The following CPQ variants were observed in gnomAD, a reference collection of about 807,000 sequenced individuals.
CPQ encodes carboxypeptidase Q.
In CPQ, 37 loss-of-function variants were observed where a neutral mutation model predicts 45.7. That is an observed-to-expected ratio of 0.81 (90% CI 0.62 to 1.07). CPQ has a LOEUF of 1.07. CPQ is among the 50% of genes least tolerant of loss of function. The pLI is 0.00. For synonymous variants in CPQ, 186 were observed against 205.8 expected (o/e 0.90, Z 0.82); for missense variants, 537 against 572.9 (o/e 0.94, Z 0.64).
intron 7 of CPQ, among the ~76,000 whole-genome samples, chr8:97,073,728 C>G (rs1264483578): frequency 6.6e-6 from 1 of 152,106 alleles, no homozygotes; most frequent in African/African-American, 2.4e-5. Flanking sequence ...AGGGGTGGGA[C>G]ACTGGGAAGA....
intron 1 of CPQ, among the ~76,000 whole-genome samples, chr8:96,719,655 A>T (rs1376671443): frequency 3.9e-5 from 6 of 152,150 alleles, no homozygotes; most frequent in Admixed American, 3.9e-4. Context: ...TCTCACTGTG[A>T]CCACTGCCTG....
intron 5 of CPQ, among the ~76,000 whole-genome samples, chr8:97,010,157 A>G (rs1809460147): frequency 6.6e-6 from 1 of 152,202 alleles, no homozygotes; most frequent in Non-Finnish European, 1.5e-5. Flanking sequence ...TTAGAAAGCA[A>G]TTCAGTTACT....
chr8:96,932,766 T>C (rs1812991580), intron 4 of CPQ, among the ~76,000 whole-genome samples: 1 of 152,192 alleles, frequency 6.6e-6, no homozygotes, highest in Non-Finnish European at 1.5e-5. Context: ...GAGAGTTCAT[T>C]TGAGATATGA....
intron 7 of CPQ, among the ~76,000 whole-genome samples, chr8:97,076,200 A>G (rs900589158): frequency 1.3e-5 from 2 of 151,464 alleles, no homozygotes; most frequent in South Asian, 4.2e-4. Context: ...TAATTTTTGT[A>G]TTTTTAGTAG....
intron 5 of CPQ, among the ~76,000 whole-genome samples, chr8:96,983,990 A>G (rs1813953714): frequency 6.6e-6 from 1 of 151,942 alleles, no homozygotes; most frequent in Non-Finnish European, 1.5e-5. Flanking sequence ...AACATTTTCT[A>G]TTAAAGTTGC....
intron 7 of CPQ, among the ~76,000 whole-genome samples, chr8:97,138,246 C>T (rs1056822615): frequency 8.5e-5 from 13 of 152,300 alleles, no homozygotes; most frequent in Non-Finnish European, 1.5e-4. Flanking sequence ...CAGTGTCAAC[C>T]AAACTGGAAC....
chr8:96,967,307 G>A (rs1185656168), intron 5 of CPQ, among the ~76,000 whole-genome samples: 1 of 152,130 alleles, frequency 6.6e-6, no homozygotes, highest in African/African-American at 2.4e-5. Context: ...ATTTTCTTTA[G>A]ACCCATTTGA....
At chr8:97,054,087 A>T (rs1810410531) in intron 6 of CPQ, among the ~76,000 whole-genome samples, 1 of 152,166 alleles carries the variant, frequency 6.6e-6, no homozygotes, top group Non-Finnish European at 1.5e-5. Flanking sequence ...GAGGTCAAGT[A>T]GGCAGTTTGG....
intron 6 of CPQ, among the ~76,000 whole-genome samples, chr8:97,053,844 G>T (rs1039291032): frequency 6.6e-6 from 1 of 152,188 alleles, no homozygotes; most frequent in African/African-American, 2.4e-5. Flanking sequence ...CAAGATGATA[G>T]CTGTGGAAGG....
At chr8:96,989,413 G>T (rs954637148) in intron 5 of CPQ, among the ~76,000 whole-genome samples, 1 of 141,852 alleles carries the variant, frequency 7.0e-6, no homozygotes, top group African/African-American at 2.6e-5. Flanking sequence ...GAGGGGAGGG[G>T]AGGGGACAGG....
chr8:96,753,920 G>GA (rs1394292344), intron 1 of CPQ, among the ~76,000 whole-genome samples: 35 of 147,694 alleles, frequency 2.4e-4, no homozygotes, highest in South Asian at 1.1e-3. Context: ...TTAAAAATCA[G>GA]AAAAAAAAAC....
intron 5 of CPQ, among the ~76,000 whole-genome samples, chr8:97,003,722 G>A (rs1586489517): frequency 6.6e-6 from 1 of 152,070 alleles, no homozygotes; most frequent in African/African-American, 2.4e-5. Flanking sequence ...GCTTGGAAGG[G>A]GCCTTTAAAA....
chr8:96,809,156 T>A (rs1269785512), intron 2 of CPQ, among the ~76,000 whole-genome samples: 3 of 152,034 alleles, frequency 2.0e-5, no homozygotes, highest in Non-Finnish European at 4.4e-5. Context: ...TTTAAATATA[T>A]GCTTATTATA....
intron 1 of CPQ, among the ~76,000 whole-genome samples, chr8:96,654,317 AC>A (rs1255323654): frequency 2.6e-5 from 4 of 152,134 alleles, no homozygotes; most frequent in Admixed American, 2.6e-4. Flanking sequence ...TTTGTCATAA[AC>A]CCTGTGAAGT....
chr8:96,867,004 T>TA (rs1563516487), intron 3 of CPQ, among the ~76,000 whole-genome samples: 1 of 152,096 alleles, frequency 6.6e-6, no homozygotes. Flanking sequence ...ATCAACTAAA[T>TA]ACTGCATTTG....
At chr8:96,994,038 C>T (rs535488399) in intron 5 of CPQ, among the ~76,000 whole-genome samples, 2 of 152,142 alleles carry the variant, frequency 1.3e-5, no homozygotes, top group East Asian at 3.9e-4. Context: ...CTCTTTCAAC[C>T]CTCACTTTCC....
At position 97,023,016 on chromosome 8, in the gene CPQ, T is replaced by TATACAGTATATATATACTGTATAC. The variant is rs1554584143; in HGVS notation, c.962-6386_962-6385insTACAGTATATATATACTGTATACA. Reference sequence around the variant, plus strand: ...ATATACAGTATATATATACTATATATAGTATATATATACAGTATATATACA... The same window carrying TATACAGTATATATATACTGTATAC: ...ATATACAGTATATATATACTATATATATACAGTATATATATACTGTATACAGTATATATATACAGTATATATACA... On this transcript the variant is annotated intron_variant, in intron 5 of 7. Coordinates refer to ENST00000220763, the MANE Select transcript of CPQ (RefSeq NM_016134.4). Among the ~76,000 whole-genome samples the TATACAGTATATATATACTGTATAC allele has an allele frequency of 2.2e-5, 3 of 133,646 alleles. No homozygotes were observed. In the Admixed American group the frequency reaches 2.3e-4, roughly 10 times the overall value. The allele number at this position is 133,646 out of a possible 152,430, so 87.7% of individuals were successfully genotyped here. A position where few individuals can be genotyped will look rare whatever the true frequency, so the allele number is the denominator to read the frequency against.
chr8:96,790,354 A>G (rs12678667), intron 2 of CPQ, among the ~76,000 whole-genome samples: 95,170 of 151,924 alleles, frequency 0.63, 30,498 homozygotes, highest in East Asian at 0.88. Context: ...AGCTTCCAGT[A>G]TGGGACCACC....
chr8:97,117,831 A>G (rs984666184), intron 7 of CPQ, among the ~76,000 whole-genome samples: 41 of 152,320 alleles, frequency 2.7e-4, no homozygotes, highest in Non-Finnish European at 4.9e-4. Flanking sequence ...CCAAAGTGCC[A>G]GGATTACAGG....
Sources: gnomAD v4.1 joint callset for allele counts (sites outside exome capture counted in the v4.1 genomes callset) on GRCh38, gnomAD v4.1.1 for gene constraint, MANE v1.5 for transcripts, NCBI Gene and HGNC (gene_info 2026-07-23, HGNC 2026-07-21) for gene names.